MKKS: variants seen among roughly 807,000 people sequenced by gnomAD.
MKKS encodes the protein molecular chaperone MKKS.
MKKS carries 29 observed loss-of-function variants against 33.2 expected under a neutral mutation model. The ratio of observed to expected loss-of-function variants is 0.87; its 90% CI spans 0.65 to 1.19. The LOEUF (loss-of-function observed/expected upper bound fraction) is 1.19. Among genes scored for constraint, MKKS ranks in the 50% most tolerant of loss-of-function variants. The probability of loss-of-function intolerance (pLI) is 0.00; values close to 1 mark genes in which losing one functional copy is unlikely to be tolerated. For missense variants in MKKS, 661 were observed against 662.3 expected (o/e 1.00, Z 0.02); for synonymous variants, 260 against 244.0 (o/e 1.07, Z -0.61).
At position 10,412,755 on chromosome 20, in the gene MKKS, C is replaced by A. The variant is rs1157608357; in HGVS notation, c.760G>T (p.Asp254Tyr). 3.1e-6 allele frequency: 5 copies of A among 1,614,146 alleles called. No individual in the cohort carries two copies. The highest frequency in any genetic ancestry group is 2.2e-5 in the East Asian group (1 of 44,876). The change falls in exon 3 of 6, where the codon GAC becomes TAC. Residue 254 changes from aspartate to tyrosine, a missense_variant. Asp to Tyr is a radical substitution (Grantham distance 160). Transcript: ENST00000347364. ...FCTTLSGDTS[D>Y]TGEGTVVVSY... ...ACCACCACAGTTCCTTCTCCAGTGTCAGAAGTGTCTCCGGATAAAGTTGTA... is the reference window on the plus strand; with the variant it reads ...ACCACCACAGTTCCTTCTCCAGTGTAAGAAGTGTCTCCGGATAAAGTTGTA...
chr20:10,432,789 CAAAAA>C (rs71184200), intron 1 of MKKS, among the ~76,000 whole-genome samples: 3 of 74,558 alleles, frequency 4.0e-5, no homozygotes, highest in South Asian at 6.8e-4. Context: ...GACTCTTTGT[CAAAAA>C]AAAAAAAAAA....
In MKKS at chr20:10,412,537, T is replaced by C. The variant is rs2064897001; in HGVS notation, c.978A>G (p.Lys326=). ...GCAAAGAGTGATTTTTACCTGTCAT[T>C]TTAGTCAGGGGTTCCATCAGAGTCA... ...IGVTLMEPLT[K]MTGTQPIGSL... is the part of the protein sequence containing the mutation. Residue 326 remains lysine (K), a synonymous_variant, in exon 3 of 6, where the codon AAA becomes AAG. Transcript: ENST00000347364. The C allele has an allele frequency of 6.2e-7, 1 of 1,613,762 alleles. No homozygotes were observed. Among genetic ancestry groups the C allele is most frequent in the Non-Finnish European group, 8.5e-7 (1 of 1,179,944 alleles).
rs71184198 is a variant in MKKS, at chr20:10,427,080, A to AC, written c.-648-6323_-648-6322insG. Among the ~76,000 whole-genome samples the AC allele has an allele frequency of 1.0e-4, 15 of 147,516 alleles. 1 individual carries two copies. Among genetic ancestry groups the AC allele is most frequent in the East Asian group, 3.9e-4 (2 of 5,078 alleles). On this transcript the variant is annotated intron_variant, in intron 1 of 5. Coordinates refer to ENST00000347364, the MANE Select transcript of MKKS (RefSeq NM_170784.3). ...CACACACACACACACACACACACAC[A>AC]AAGTAAGGTTAAGGGCAAAAAGGCA...
Position 10,405,085 on chromosome 20 carries a change from G to A in MKKS, c.*162C>T, listed in dbSNP as rs996414038. 29 of 541,588 alleles carry A rather than the reference G, an allele frequency of 5.4e-5. No homozygotes were observed. Among genetic ancestry groups the A allele is most frequent in the Non-Finnish European group, 8.0e-5 (25 of 314,082 alleles). 33.5% of individuals were successfully genotyped at this position (541,588 alleles called of 1,614,324 possible). A position where few individuals can be genotyped will look rare whatever the true frequency, so the allele number is the denominator to read the frequency against. On this transcript the variant is annotated 3_prime_UTR_variant, in exon 6 of 6. Transcript: ENST00000347364. ...ATTGTTTCATGGCATTTCCATTCAC[G>A]AATCACCTTTTTTCCTAAATAAGTG...
At position 10,413,054 on chromosome 20, in the gene MKKS, A is replaced by G; in HGVS notation, c.461T>C (p.Val154Ala). Residue 154 changes from valine (V) to alanine (A), a missense_variant, in exon 3 of 6, where the codon GTG (valine) becomes GCG (alanine). By Grantham distance (64) the Val-to-Ala change is moderately conservative (BLOSUM62 0). Coordinates refer to ENST00000347364, the MANE Select transcript of MKKS (RefSeq NM_170784.3). ...AGGTTTACTTGTTAATATACTACGCACCAAACAAAGGAGGATCTGAGTACT... is the reference window on the plus strand; with the variant it reads ...AGGTTTACTTGTTAATATACTACGCGCCAAACAAAGGAGGATCTGAGTACT... ...FSSTQILLCL[V>A]RSILTSKPAC... The G allele has an allele frequency of 6.2e-7, 1 of 1,614,044 alleles. No homozygotes were observed. The highest frequency in any genetic ancestry group is 8.5e-7 in the Non-Finnish European group (1 of 1,180,026).
intron 3 of MKKS, 57 bp downstream of exon 3, chr20:10,412,473 G>A: frequency 2.5e-6 from 4 of 1,569,778 alleles, no homozygotes; most frequent in Non-Finnish European, 2.6e-6. Context: ...AAATATCTCT[G>A]CTCAAAAAAG....
chr20:10,408,091 G>C (rs745544407), intron 4 of MKKS, among the ~76,000 whole-genome samples: 1 of 152,076 alleles, frequency 6.6e-6, no homozygotes, highest in Non-Finnish European at 1.5e-5. Context: ...ATTTTGAATG[G>C]ATTTGGAAAT....
chr20:10,424,706 A>G (rs1174525573), intron 1 of MKKS, among the ~76,000 whole-genome samples: 3 of 152,192 alleles, frequency 2.0e-5, no homozygotes, highest in African/African-American at 7.2e-5. Context: ...TTGGGGATAC[A>G]ATTTAAATTT....
chr20:10,423,230 G>C (rs2064993518), intron 1 of MKKS, among the ~76,000 whole-genome samples: 2 of 152,078 alleles, frequency 1.3e-5, no homozygotes, highest in Admixed American at 6.6e-5. Context: ...CTTGAGCCTA[G>C]GCAACGTGGC....
chr20:10,423,145 A>G (rs1239801782), intron 1 of MKKS, among the ~76,000 whole-genome samples: 1 of 152,190 alleles, frequency 6.6e-6, no homozygotes, highest in Non-Finnish European at 1.5e-5. Flanking sequence ...AGCTTATAAA[A>G]AGAGATTAGG....
intron 1 of MKKS, among the ~76,000 whole-genome samples, chr20:10,426,794 G>A (rs185091539): frequency 8.7e-4 from 133 of 152,250 alleles, no homozygotes; most frequent in Admixed American, 2.0e-3. Flanking sequence ...AGTTCTGGAG[G>A]TAAGAAAAAC....
chr20:10,405,349 C>T lies in MKKS; in HGVS notation c.1611G>A (p.Leu537=), dbSNP rs1400368715. 6.8e-6 allele frequency: 11 copies of T among 1,614,056 alleles called. No homozygotes were observed. The highest frequency in any genetic ancestry group is 9.3e-6 in the Non-Finnish European group (11 of 1,180,030). Residue 537 remains leucine, a synonymous_variant, in exon 6 of 6, where the codon CTG becomes CTA. Coordinates refer to ENST00000347364, the MANE Select transcript of MKKS (RefSeq NM_170784.3). ...PHEAVGSASN[L]TLDCLTAKLS... is the part of the protein sequence containing the mutation. ...GCTTTGCAGTCAAACAGTCCAAGGT[C>T]AGGTTGCTGGCTGAGCCCACAGCTT...
intron 3 of MKKS, among the ~76,000 whole-genome samples, chr20:10,410,523 A>G (rs982151038): frequency 1.3e-5 from 2 of 152,040 alleles, no homozygotes; most frequent in African/African-American, 4.8e-5. Flanking sequence ...TCCAGCTACT[A>G]GGGAGGCTGA....
In MKKS at chr20:10,414,735, C is replaced by A. The variant is rs117127519; in HGVS notation, c.-417-804G>T. ...ATTATAAAAACAAGATAGCTGTTGG[C>A]ATGTCTACTGCAGGAACTCACTAAT... is the stretch of plus-strand genomic sequence containing the variant. On this transcript the variant is annotated intron_variant, in intron 2 of 5. Coordinates refer to ENST00000347364, the MANE Select transcript of MKKS (RefSeq NM_170784.3). Among the ~76,000 whole-genome samples the A allele has an allele frequency of 2.8e-3, 429 of 152,248 alleles. 1 individual carries two copies. The highest frequency in any genetic ancestry group is 6.8e-3 in the Middle Eastern group (2 of 294).
chr20:10,432,373 C>T (rs1330230339), intron 1 of MKKS, among the ~76,000 whole-genome samples: 1 of 152,206 alleles, frequency 6.6e-6, no homozygotes, highest in Non-Finnish European at 1.5e-5. Flanking sequence ...TCAGGAAACC[C>T]AACCTAGGAC....
chr20:10,427,029 G>GAC (rs377703248), intron 1 of MKKS, among the ~76,000 whole-genome samples: 4,996 of 130,632 alleles, frequency 0.038, 177 homozygotes, highest in East Asian at 0.14. Context: ...AGAAAACACT[G>GAC]ACACACACAC....
At chr20:10,414,943 C>T (rs902981827) in intron 2 of MKKS, among the ~76,000 whole-genome samples, 6 of 152,142 alleles carry the variant, frequency 3.9e-5, no homozygotes, top group African/African-American at 1.4e-4. Flanking sequence ...AATGACAGTA[C>T]ATGCAAAAAC....
rs1488498756 is a variant in MKKS, at chr20:10,401,694, A to G, written c.*3553T>C. ...ACAACAATATGAAAATACATAGTAC[A>G]ATGGCTGATTTATGGTTACTTCAAA... is the stretch of plus-strand genomic sequence containing the variant. On this transcript the variant is annotated 3_prime_UTR_variant, in exon 6 of 6. Coordinates refer to ENST00000347364, the MANE Select transcript of MKKS (RefSeq NM_170784.3). The G allele has an allele frequency of 6.6e-6, 1 of 152,216 alleles. No homozygotes were observed. The highest frequency in any genetic ancestry group is 2.4e-5 in the African/African-American group (1 of 41,470). 9.4% of individuals were successfully genotyped at this position (152,216 alleles called of 1,614,324 possible). A position where few individuals can be genotyped will look rare whatever the true frequency, so the allele number is the denominator to read the frequency against.
chr20:10,421,614 T>C (rs2064981261), intron 1 of MKKS, among the ~76,000 whole-genome samples: 1 of 151,998 alleles, frequency 6.6e-6, no homozygotes, highest in South Asian at 2.1e-4. Flanking sequence ...CAAATCAGAA[T>C]GAATGTAATG....
Sources: gnomAD v4.1 joint callset for allele counts (sites outside exome capture counted in the v4.1 genomes callset) on GRCh38, gnomAD v4.1.1 for gene constraint, MANE v1.5 for transcripts, NCBI Gene and HGNC (gene_info 2026-07-23, HGNC 2026-07-21) for gene names.